Variants in CBX7 observed in about 807,000 individuals in gnomAD.
CBX7 encodes the protein chromobox 7, also known as chromobox protein homolog 7.
Under a neutral mutation model 31.4 loss-of-function variants are expected in CBX7, and 14 were observed. The observed-to-expected ratio is 0.45, with a 90% CI of 0.29 to 0.70. The LOEUF (loss-of-function observed/expected upper bound fraction) is 0.70. CBX7 is among the 30% of genes least tolerant of loss of function. CBX7 has a pLI of 0.11. For synonymous variants in CBX7, 159 were observed against 152.6 expected (o/e 1.04, Z -0.31); for missense variants, 269 against 351.9 (o/e 0.76, Z 1.89).
At chr22:39,144,483 C>T (rs1426367936) in intron 2 of CBX7, among the ~76,000 whole-genome samples, 4 of 152,232 alleles carry the variant, frequency 2.6e-5, no homozygotes, top group African/African-American at 9.6e-5. Flanking sequence ...AACACCCTGG[C>T]GCGCAGAGCC....
At chr22:39,136,791 A>C (rs913308355) in intron 4 of CBX7, 1 of 152,256 alleles carries the variant, frequency 6.6e-6, no homozygotes, top group African/African-American at 2.4e-5. Context: ...TAGTATGTGG[A>C]TGGAGTATAT....
intron 2 of CBX7, among the ~76,000 whole-genome samples, chr22:39,143,404 G>C (rs949937876): frequency 6.6e-6 from 1 of 152,050 alleles, no homozygotes; most frequent in Non-Finnish European, 1.5e-5. Flanking sequence ...TTTAAGCTAA[G>C]TGTTACTACA....
At chr22:39,143,368 T>C (rs9622962) in intron 2 of CBX7, among the ~76,000 whole-genome samples, 12,057 of 152,118 alleles carry the variant, frequency 0.079, 590 homozygotes, top group African/African-American at 0.13. Context: ...AAAACAAATA[T>C]TTTGTACAGC....
chr22:39,146,319 C>T (rs1453225453), intron 2 of CBX7, among the ~76,000 whole-genome samples: 1 of 152,240 alleles, frequency 6.6e-6, no homozygotes, highest in Non-Finnish European at 1.5e-5. Context: ...TAACTCCAGT[C>T]TCCCCAGCCT....
chr22:39,143,629 A>G (rs1324730212), intron 2 of CBX7, among the ~76,000 whole-genome samples: 1 of 152,240 alleles, frequency 6.6e-6, no homozygotes, highest in Non-Finnish European at 1.5e-5. Flanking sequence ...ACAGTGAGTG[A>G]CATGTGTCTG....
At chr22:39,134,813 C>T in intron 4 of CBX7, 61 bp from the exon 5 acceptor site, 2 of 1,047,190 alleles carry the variant, frequency 1.9e-6, no homozygotes, top group Non-Finnish European at 1.3e-6. Context: ...CACACCTTTG[C>T]TCATGCTGTT....
intron 2 of CBX7, among the ~76,000 whole-genome samples, chr22:39,142,868 G>A (rs957899867): frequency 6.6e-6 from 1 of 152,110 alleles, no homozygotes; most frequent in African/African-American, 2.4e-5. Flanking sequence ...ATCTAGTGAC[G>A]TCTTGATGAT....
chr22:39,146,349 T>C (rs1289708410), intron 2 of CBX7, among the ~76,000 whole-genome samples: 1 of 152,230 alleles, frequency 6.6e-6, no homozygotes, highest in African/African-American at 2.4e-5. Context: ...CAGCTCCCAC[T>C]CTGCCCCTGG....
At chr22:39,141,036 T>A in intron 3 of CBX7, 1 of 284,904 alleles carries the variant, frequency 3.5e-6, no homozygotes, top group Non-Finnish European at 6.8e-6. Context: ...ATTTTAACAT[T>A]CTTCACTGGA....
At chr22:39,149,732 G>A (rs1930784704) in intron 2 of CBX7, 57 bp downstream of exon 2, 1 of 1,512,158 alleles carries the variant, frequency 6.6e-7, no homozygotes, top group Non-Finnish European at 9.2e-7. Context: ...AAGGCAGGTG[G>A]AGGAATGCAT....
chr22:39,150,424 G>C (rs914923028), intron 1 of CBX7, among the ~76,000 whole-genome samples: 1 of 152,124 alleles, frequency 6.6e-6, no homozygotes, highest in Admixed American at 6.5e-5. Context: ...AGAAGGGGTG[G>C]TCAGCCCTGT....
At chr22:39,138,950 T>C (rs1244948740) in intron 3 of CBX7, among the ~76,000 whole-genome samples, 1 of 152,116 alleles carries the variant, frequency 6.6e-6, no homozygotes, top group Non-Finnish European at 1.5e-5. Context: ...TTGCAGCATC[T>C]CCAAAAACAG....
intron 2 of CBX7, chr22:39,148,974 C>T (rs1447126352): frequency 7.9e-5 from 12 of 152,268 alleles, no homozygotes; most frequent in Admixed American, 4.6e-4. Context: ...ACTCAGTCTC[C>T]GGGAGGCGGG....
At position 39,152,050 on chromosome 22, in the gene CBX7, C is replaced by T. The variant is rs1443261079; in HGVS notation, c.69+326G>A. 2.0e-5 allele frequency among the ~76,000 whole-genome samples: 3 copies of T among 152,190 alleles called. No homozygotes were observed. Among genetic ancestry groups the T allele is most frequent in the Non-Finnish European group, 4.4e-5 (3 of 68,046 alleles). ...TCTGACCATAACGCGCTAGGCAAGT[C>T]CTTTCAACTTGGGCCTCAGTCTCCC... On this transcript the variant is annotated intron_variant, in intron 1 of 5. Coordinates refer to ENST00000216133, the MANE Select transcript of CBX7 (RefSeq NM_175709.5). The surrounding 1 kb of genome is among the most constrained non-coding windows in gnomAD (Gnocchi z 4.9).
At chr22:39,146,031 C>G (rs1283250937) in intron 2 of CBX7, among the ~76,000 whole-genome samples, 2 of 152,150 alleles carry the variant, frequency 1.3e-5, no homozygotes, top group African/African-American at 2.4e-5. Flanking sequence ...GGCCAACCCC[C>G]AAGCCCCAGT....
chr22:39,141,440 G>A lies in CBX7; in HGVS notation c.114-4C>T. On this transcript the variant is annotated splice_region_variant and splice_polypyrimidine_tract_variant and intron_variant, in intron 2 of 5. Coordinates refer to ENST00000216133, the MANE Select transcript of CBX7 (RefSeq NM_175709.5). ...TTCTGGCTCCCACGTGCTGTACCTG[G>A]GGAGAGGAATGAAAGGTCAGAGTTG... 1 of 1,611,128 alleles carries A rather than the reference G, an allele frequency of 6.2e-7. No individual in the cohort carries two copies. Among genetic ancestry groups the A allele is most frequent in the Non-Finnish European group, 8.5e-7 (1 of 1,179,002 alleles).
chr22:39,140,475 TCTC>T (rs1930413999), intron 3 of CBX7, among the ~76,000 whole-genome samples: 1 of 152,014 alleles, frequency 6.6e-6, no homozygotes. Flanking sequence ...TGGCAGGAAA[TCTC>T]CTGGAGAAGG....
chr22:39,138,088 G>A (rs1301319160), intron 4 of CBX7, among the ~76,000 whole-genome samples: 1 of 151,846 alleles, frequency 6.6e-6, no homozygotes, highest in Non-Finnish European at 1.5e-5. Flanking sequence ...GGCTGAGGCA[G>A]GAGAATGGCG....
Position 39,134,496 on chromosome 22 carries a change from T to A in CBX7, c.503A>T (p.His168Leu). 6.2e-7 allele frequency: 1 copy of A among 1,611,772 alleles called. No homozygotes were observed. ...PRGPNLESHSHRRELFLQEPP... is the reference protein window; with the variant it reads ...PRGPNLESHSLRRELFLQEPP... ...CTCCTGCAGGAAGAGCTCCCGTCGATGGCTGTGGCTCTCCAGGTTGGGCCC... is the reference window on the plus strand; with the variant it reads ...CTCCTGCAGGAAGAGCTCCCGTCGAAGGCTGTGGCTCTCCAGGTTGGGCCC... Residue 168 changes from histidine (H) to leucine (L), a missense_variant, in exon 5 of 6, where the codon CAT (histidine) becomes CTT (leucine). By Grantham distance (99) the His-to-Leu change is moderately conservative. This residue lies in a region of CBX7 where 222 missense variants were observed against 240.4 expected (regional missense o/e 0.92). Coordinates refer to ENST00000216133, the MANE Select transcript of CBX7 (RefSeq NM_175709.5).
Sources: allele counts gnomAD v4.1 joint callset (sites outside exome capture counted in the v4.1 genomes callset), GRCh38; gene constraint gnomAD v4.1.1; regional missense constraint gnomAD v4.1.1; non-coding constraint Gnocchi (gnomAD v3.1); transcripts MANE v1.5; gene names NCBI Gene and HGNC (gene_info 2026-07-23, HGNC 2026-07-21).